Variants in PDGFD observed in about 807,000 individuals in gnomAD.
PDGFD encodes platelet derived growth factor D, also known as platelet-derived growth factor D.
Under a neutral mutation model 44.7 loss-of-function variants are expected in PDGFD, and 30 were observed. The observed-to-expected ratio is 0.67, with a 90% CI of 0.50 to 0.91. The LOEUF (loss-of-function observed/expected upper bound fraction) is 0.91, where lower values mean the gene tolerates loss of function less well. Ranked by LOEUF, PDGFD falls within the 40% of genes least tolerant of loss-of-function variation. PDGFD has a pLI of 0.00. For synonymous variants in PDGFD, 173 were observed against 168.4 expected, an observed-to-expected ratio of 1.03 and a Z score of -0.21; for missense variants, 445 against 457.8, an observed-to-expected ratio of 0.97 and a Z score of 0.25.
chr11:104,099,421 T>C (rs1861335775), intron 1 of PDGFD, among the ~76,000 whole-genome samples: 1 of 151,962 alleles, frequency 6.6e-6, no homozygotes, highest in African/African-American at 2.4e-5. Context: ...AGGCGGATCG[T>C]TTGAGCCCAG....
chr11:104,000,208 C>T lies in PDGFD; in HGVS notation c.172G>A (p.Val58Met), dbSNP rs1251947865. Reference protein sequence around the residue: ...DLYRRDETIQVKGNGYVQSPR... With the variant: ...DLYRRDETIQMKGNGYVQSPR... ...CTCTGCACGTAGCCGTTTCCTTTCA[C>T]CTGGATGGTCTCATCTCTTCGGTAC... is the stretch of plus-strand genomic sequence containing the variant. The change falls in exon 2 of 7, where the codon GTG becomes ATG. Residue 58 changes from valine (V) to methionine (M), a missense_variant. Physicochemically the swap from Val to Met is conservative, Grantham distance 21. Transcript: ENST00000393158. 6.2e-7 allele frequency: 1 copy of T among 1,614,062 alleles called. No individual in the cohort carries two copies. The highest frequency in any genetic ancestry group is 1.7e-5 in the Admixed American group (1 of 60,014).
chr11:103,986,807 C>A (rs1245115126), intron 3 of PDGFD, among the ~76,000 whole-genome samples: 1 of 152,220 alleles, frequency 6.6e-6, no homozygotes, highest in Non-Finnish European at 1.5e-5. Context: ...GTTTAGGAGT[C>A]ATGCAGCTGG....
intron 1 of PDGFD, among the ~76,000 whole-genome samples, chr11:104,026,624 C>T (rs1037044569): frequency 1.3e-5 from 2 of 152,172 alleles, no homozygotes; most frequent in South Asian, 4.1e-4. Flanking sequence ...TTTAAAGGAA[C>T]ATTTGGATGC....
intron 1 of PDGFD, among the ~76,000 whole-genome samples, chr11:104,027,489 A>G (rs1330805273): frequency 1.3e-5 from 2 of 152,260 alleles, no homozygotes; most frequent in African/African-American, 4.8e-5. Context: ...CCAAAATCCT[A>G]TGGAAAAGAG....
At chr11:104,147,148 G>A (rs560105892) in intron 1 of PDGFD, among the ~76,000 whole-genome samples, 8 of 152,248 alleles carry the variant, frequency 5.3e-5, no homozygotes, top group Admixed American at 2.0e-4. Context: ...CTGATCTTGC[G>A]AAGTTGTTTC....
At chr11:104,037,856 A>G in intron 1 of PDGFD, 1 of 1,614,178 alleles carries the variant, frequency 6.2e-7, no homozygotes, top group Admixed American at 1.7e-5. Flanking sequence ...ATCGATTTGA[A>G]GAAAAATGTG....
chr11:104,057,629 A>G (rs1169426888), intron 1 of PDGFD, among the ~76,000 whole-genome samples: 3 of 152,216 alleles, frequency 2.0e-5, no homozygotes, highest in Non-Finnish European at 2.9e-5. Context: ...AGCATCATGC[A>G]GTACACCCAG....
chr11:104,095,090 C>G (rs1177539105), intron 1 of PDGFD, among the ~76,000 whole-genome samples: 1 of 152,120 alleles, frequency 6.6e-6, no homozygotes, highest in East Asian at 1.9e-4. Context: ...ACCTTATTCA[C>G]CTCCACTTAC....
intron 3 of PDGFD, among the ~76,000 whole-genome samples, chr11:103,977,106 A>G (rs1418235357): frequency 1.3e-5 from 2 of 152,110 alleles, no homozygotes; most frequent in African/African-American, 4.8e-5. Flanking sequence ...AAATGGATAG[A>G]TTTCTAGACA....
At chr11:103,957,356 G>GA (rs1449150704) in intron 3 of PDGFD, among the ~76,000 whole-genome samples, 17 of 152,070 alleles carry the variant, frequency 1.1e-4, no homozygotes, top group African/African-American at 4.1e-4. Flanking sequence ...CACAGAATTG[G>GA]AAAAAACTAC....
At chr11:104,090,294 T>C (rs368097765) in intron 1 of PDGFD, among the ~76,000 whole-genome samples, 1 of 148,214 alleles carries the variant, frequency 6.7e-6, no homozygotes, top group African/African-American at 2.5e-5. Flanking sequence ...TCAGCATATA[T>C]AAGATCTCTT....
chr11:103,986,571 T>C (rs1196607544), intron 3 of PDGFD, among the ~76,000 whole-genome samples: 3 of 152,222 alleles, frequency 2.0e-5, no homozygotes, highest in Non-Finnish European at 4.4e-5. Flanking sequence ...AAAATTATGA[T>C]GGTGAAAGAG....
At chr11:103,977,633 A>G (rs188002001) in intron 3 of PDGFD, among the ~76,000 whole-genome samples, 1 of 152,224 alleles carries the variant, frequency 6.6e-6, no homozygotes, top group East Asian at 1.9e-4. Flanking sequence ...ATCCCTCTTG[A>G]CAGTGATAAT....
intron 1 of PDGFD, among the ~76,000 whole-genome samples, chr11:104,118,788 A>G (rs1591173117): frequency 9.2e-6 from 1 of 109,166 alleles, no homozygotes; most frequent in South Asian, 2.4e-4. Flanking sequence ...AATATATTAT[A>G]TATTATAAAT....
chr11:103,966,394 C>A (rs1859020451), intron 3 of PDGFD, among the ~76,000 whole-genome samples: 1 of 152,102 alleles, frequency 6.6e-6, no homozygotes, highest in Non-Finnish European at 1.5e-5. Flanking sequence ...TAGATTTCAT[C>A]AAGATAAATA....
At chr11:103,937,548 T>C (rs1001502907) in intron 5 of PDGFD, among the ~76,000 whole-genome samples, 1 of 151,390 alleles carries the variant, frequency 6.6e-6, no homozygotes, top group African/African-American at 2.4e-5. Flanking sequence ...TTTGTTTTGT[T>C]TTTTTAATTT....
At chr11:103,986,675 T>A (rs1038303719) in intron 3 of PDGFD, among the ~76,000 whole-genome samples, 1 of 152,146 alleles carries the variant, frequency 6.6e-6, no homozygotes, top group African/African-American at 2.4e-5. Flanking sequence ...AGGAGCTTAG[T>A]TTTTAGTTTA....
At position 103,940,567 on chromosome 11, in the gene PDGFD, T is replaced by C. The variant is rs1277731868; in HGVS notation, c.772+2885A>G. On this transcript the variant is annotated intron_variant, in intron 5 of 6. Transcript: ENST00000393158. ...TTTCCTGTTTTCACTGTTTATTCAC[T>C]GCTCCCCTCCTCATACATTGGCATA... Among the ~76,000 whole-genome samples the C allele has an allele frequency of 2.6e-5, 4 of 152,146 alleles. 1 individual carries two copies. The highest frequency in any genetic ancestry group is 1.3e-4 in the Admixed American group (2 of 15,244).
intron 1 of PDGFD, among the ~76,000 whole-genome samples, chr11:104,030,167 T>A (rs924128930): frequency 6.6e-6 from 1 of 152,200 alleles, no homozygotes; most frequent in African/African-American, 2.4e-5. Context: ...AGACATCTCA[T>A]TATGTATAAG....
Sources: gnomAD v4.1 joint callset for allele counts (sites outside exome capture counted in the v4.1 genomes callset) on GRCh38, gnomAD v4.1.1 for gene constraint, MANE v1.5 for transcripts, NCBI Gene and HGNC (gene_info 2026-07-23, HGNC 2026-07-21) for gene names.